The following CNOT4 variants were observed in gnomAD, a reference collection of about 807,000 sequenced individuals.
CNOT4 encodes CCR4-associated factor 4.
CNOT4 carries 8 observed loss-of-function variants against 73.8 expected under a neutral mutation model. The ratio of observed to expected loss-of-function variants is 0.11; its 90% confidence interval spans 0.06 to 0.20. The LOEUF is 0.20. CNOT4 is among the 10% of genes least tolerant of loss of function. The pLI is 1.00. For missense variants in CNOT4, 564 were observed against 883.4 expected (o/e 0.64, Z 4.58); for synonymous variants, 293 against 321.1 (o/e 0.91, Z 0.94).
At chr7:135,451,849 T>G (rs1221720462) in intron 1 of CNOT4, among the ~76,000 whole-genome samples, 1 of 152,212 alleles carries the variant, frequency 6.6e-6, no homozygotes, top group Non-Finnish European at 1.5e-5. Flanking sequence ...TTGAATCCTT[T>G]GAGTGCAAAG....
At chr7:135,495,040 G>A (rs1051266146) in intron 1 of CNOT4, among the ~76,000 whole-genome samples, 1 of 152,152 alleles carries the variant, frequency 6.6e-6, no homozygotes, top group African/African-American at 2.4e-5. Context: ...TGAAATAGGT[G>A]TTCCTTTTGC....
chr7:135,502,129 C>G (rs1262336996), intron 1 of CNOT4, among the ~76,000 whole-genome samples: 2 of 152,206 alleles, frequency 1.3e-5, no homozygotes, highest in Non-Finnish European at 2.9e-5. Context: ...TTCCCAGTCT[C>G]CAAAACCATG....
intron 1 of CNOT4, among the ~76,000 whole-genome samples, chr7:135,465,043 A>C (rs1343942200): frequency 2.6e-5 from 4 of 152,180 alleles, no homozygotes; most frequent in African/African-American, 9.6e-5. Context: ...CTGTTGATAC[A>C]CTAAATTATC....
intron 2 of CNOT4, among the ~76,000 whole-genome samples, chr7:135,424,078 CACACACACACACAT>C (rs1167502555): frequency 1.9e-5 from 2 of 107,606 alleles, no homozygotes; most frequent in African/African-American, 6.2e-5. Context: ...CACACACACA[CACACACACACACAT>C]TTTTTATTAA....
chr7:135,423,573 T>A (rs1798312947), intron 2 of CNOT4, among the ~76,000 whole-genome samples: 1 of 152,092 alleles, frequency 6.6e-6, no homozygotes, highest in African/African-American at 2.4e-5. Flanking sequence ...CTTTTACTAG[T>A]ATATACCCTG....
intron 10 of CNOT4, among the ~76,000 whole-genome samples, chr7:135,382,752 T>C (rs1195261560): frequency 1.3e-5 from 2 of 152,198 alleles, no homozygotes; most frequent in African/African-American, 4.8e-5. Context: ...ACTTACATTG[T>C]AATAGGTATT....
At chr7:135,469,803 G>A (rs1801460246) in intron 1 of CNOT4, among the ~76,000 whole-genome samples, 1 of 151,332 alleles carries the variant, frequency 6.6e-6, no homozygotes, top group African/African-American at 2.4e-5. Flanking sequence ...GTTGTTGGTG[G>A]TGATGTGTGG....
intron 7 of CNOT4, among the ~76,000 whole-genome samples, chr7:135,400,999 C>T (rs1340720636): frequency 1.3e-5 from 2 of 152,100 alleles, no homozygotes; most frequent in Non-Finnish European, 2.9e-5. Context: ...TTGGAACTAT[C>T]AGTGGAAAAG....
chr7:135,506,568 G>C (rs1262579955), intron 1 of CNOT4, among the ~76,000 whole-genome samples: 1 of 152,080 alleles, frequency 6.6e-6, no homozygotes, highest in Non-Finnish European at 1.5e-5. Flanking sequence ...TTTAATTTTA[G>C]GCCTGGCATG....
At chr7:135,365,428 T>TG in intron 10 of CNOT4, among the ~76,000 whole-genome samples, 1 of 151,920 alleles carries the variant, frequency 6.6e-6, no homozygotes, top group African/African-American at 2.4e-5. Flanking sequence ...TTTGTATGTG[T>TG]TGTATGGTTT....
chr7:135,421,135 T>G (rs1798169601), intron 3 of CNOT4, among the ~76,000 whole-genome samples: 1 of 152,184 alleles, frequency 6.6e-6, no homozygotes, highest in Non-Finnish European at 1.5e-5. Flanking sequence ...AAGCCCTGTA[T>G]AGTTGCAACA....
In CNOT4 at chr7:135,421,249, G is replaced by A. The variant is rs748831550; in HGVS notation, c.372+907C>T. ...ATCCTCCTTCTGGGGCCTTTAACAC[G>A]CTCAGCCAATTCCCAAGGTTCCTAT... On this transcript the variant is annotated intron_variant, in intron 3 of 11. Coordinates refer to ENST00000541284, the MANE Select transcript of CNOT4 (RefSeq NM_001190850.2). 2.2e-4 allele frequency among the ~76,000 whole-genome samples: 33 copies of A among 152,002 alleles called. 1 individual carries two copies. The highest frequency in any genetic ancestry group is 1.6e-4 in the Non-Finnish European group (11 of 68,002).
chr7:135,492,001 G>A (rs1216734345), intron 1 of CNOT4, among the ~76,000 whole-genome samples: 1 of 152,190 alleles, frequency 6.6e-6, no homozygotes, highest in Non-Finnish European at 1.5e-5. Flanking sequence ...ATTGAGTACA[G>A]ATGTAGTCAA....
chr7:135,483,535 T>C (rs1346994291), intron 1 of CNOT4, among the ~76,000 whole-genome samples: 2 of 151,138 alleles, frequency 1.3e-5, no homozygotes, highest in Non-Finnish European at 3.0e-5. Context: ...TAAAAAAAAC[T>C]CCAAGCAGGC....
intron 1 of CNOT4, among the ~76,000 whole-genome samples, chr7:135,448,066 G>C (rs1315050751): frequency 1.3e-5 from 2 of 152,080 alleles, no homozygotes; most frequent in Non-Finnish European, 2.9e-5. Context: ...AACACCAGAG[G>C]CTTAAACACT....
At chr7:135,402,108 A>G (rs974510053) in intron 7 of CNOT4, among the ~76,000 whole-genome samples, 1 of 142,960 alleles carries the variant, frequency 7.0e-6, no homozygotes, top group African/African-American at 2.6e-5. Flanking sequence ...TGGTAAGACT[A>G]TATCTTTTTT....
Position 135,495,683 on chromosome 7 carries a change from A to G in CNOT4, c.-93+14206T>C, listed in dbSNP as rs1563083368. Among the ~76,000 whole-genome samples the G allele has an allele frequency of 1.4e-4, 14 of 97,190 alleles. 1 individual carries two copies. Among genetic ancestry groups the G allele is most frequent in the African/African-American group, 4.5e-4 (12 of 26,960 alleles). The allele number at this position is 97,190 out of a possible 152,430, so 63.8% of individuals were successfully genotyped here. On this transcript the variant is annotated intron_variant, in intron 1 of 11. Transcript: ENST00000541284. The stretch of plus-strand genomic sequence containing the variant: ...AGACCCTGTGTCAAAAAAAAAAAAA[A>G]AAAAAAAAAAGAAAGAAAGAAAGAA...
chr7:135,457,364 G>A (rs558615303), intron 1 of CNOT4, among the ~76,000 whole-genome samples: 1 of 152,072 alleles, frequency 6.6e-6, no homozygotes, highest in African/African-American at 2.4e-5. Context: ...TTAATTTTAT[G>A]ATTTGGCTAA....
At chr7:135,399,582 C>T (rs1449684733) in intron 7 of CNOT4, among the ~76,000 whole-genome samples, 1 of 151,880 alleles carries the variant, frequency 6.6e-6, no homozygotes, top group African/African-American at 2.4e-5. Context: ...ATTAAGATTC[C>T]AAATTTCTTA....
Sources: allele counts gnomAD v4.1 joint callset (sites outside exome capture counted in the v4.1 genomes callset), GRCh38; gene constraint gnomAD v4.1.1; transcripts MANE v1.5; gene names NCBI Gene and HGNC (gene_info 2026-07-23, HGNC 2026-07-21).